KCNIP4: variants seen among roughly 807,000 people sequenced by gnomAD.
The protein encoded by KCNIP4 is Kv channel-interacting protein 4.
KCNIP4 carries 12 observed loss-of-function variants against 34.0 expected under a neutral mutation model. The observed-to-expected ratio is 0.35, with a 90% CI of 0.23 to 0.57. The LOEUF (loss-of-function observed/expected upper bound fraction) is 0.57. Ranked by LOEUF, KCNIP4 falls within the 20% of genes least tolerant of loss-of-function variation. The pLI, the probability that KCNIP4 is intolerant of heterozygous loss-of-function variation, is 0.83. For missense variants in KCNIP4, 238 were observed against 311.7 expected (o/e 0.76, Z 1.78); for synonymous variants, 124 against 102.2 (o/e 1.21, Z -1.29).
At chr4:21,058,093 TTCAA>T (rs1743578816) in intron 1 of KCNIP4, among the ~76,000 whole-genome samples, 1 of 152,124 alleles carries the variant, frequency 6.6e-6, no homozygotes, top group Non-Finnish European at 1.5e-5. Context: ...TAGGGCAGAA[TTCAA>T]TGACTCAGGT....
chr4:21,511,273 T>C (rs1560472424), intron 1 of KCNIP4, among the ~76,000 whole-genome samples: 1 of 152,108 alleles, frequency 6.6e-6, no homozygotes, highest in Non-Finnish European at 1.5e-5. Flanking sequence ...TTTTAGGATA[T>C]AGCTATCACT....
chr4:21,278,695 G>A (rs751426858), intron 1 of KCNIP4, among the ~76,000 whole-genome samples: 1 of 152,142 alleles, frequency 6.6e-6, no homozygotes, highest in Non-Finnish European at 1.5e-5. Context: ...AGGAGACCTA[G>A]AGAACAGCTG....
At chr4:21,250,761 T>C (rs2109076981) in intron 1 of KCNIP4, among the ~76,000 whole-genome samples, 1 of 152,160 alleles carries the variant, frequency 6.6e-6, no homozygotes, top group South Asian at 2.1e-4. Context: ...CCCTAGGAGA[T>C]CTGACCCAGT....
At position 20,729,960 on chromosome 4, in the gene KCNIP4, C is replaced by A; in HGVS notation, c.*122G>T. ...GGGATTGCTTTATATTAAAACAAAG[C>A]TTGTTTGCATAATATGCTTCAGTGT... On this transcript the variant is annotated 3_prime_UTR_variant, in exon 9 of 9. Coordinates refer to ENST00000382152, the MANE Select transcript of KCNIP4 (RefSeq NM_025221.6). 1 of 1,163,638 alleles carries A rather than the reference C, an allele frequency of 8.6e-7. No homozygotes were observed. Among genetic ancestry groups the A allele is most frequent in the Admixed American group, 3.0e-5 (1 of 33,304 alleles). 72.1% of individuals were successfully genotyped at this position (1,163,638 alleles called of 1,614,324 possible). A position where few individuals can be genotyped will look rare whatever the true frequency, so the allele number is the denominator to read the frequency against.
chr4:21,569,348 T>C (rs1740185274), intron 1 of KCNIP4, among the ~76,000 whole-genome samples: 1 of 149,666 alleles, frequency 6.7e-6, no homozygotes, highest in Admixed American at 6.7e-5. Context: ...AAACTTTGCT[T>C]CTTGAGGAGG....
At chr4:21,469,123 G>A (rs533738957) in intron 1 of KCNIP4, among the ~76,000 whole-genome samples, 1 of 152,050 alleles carries the variant, frequency 6.6e-6, no homozygotes, top group South Asian at 2.1e-4. Context: ...GGGATGAAGT[G>A]GTGCAATCGT....
intron 1 of KCNIP4, among the ~76,000 whole-genome samples, chr4:21,459,124 CT>C (rs1224399848): frequency 6.6e-6 from 1 of 152,044 alleles, no homozygotes; most frequent in East Asian, 1.9e-4. Context: ...CTGTTTCAAA[CT>C]TCTCAAAAGA....
chr4:20,735,446 G>A (rs889768694), intron 5 of KCNIP4, among the ~76,000 whole-genome samples: 1 of 152,004 alleles, frequency 6.6e-6, no homozygotes, highest in African/African-American at 2.4e-5. Context: ...TAAGTAAATG[G>A]AGCCCTCAGT....
intron 1 of KCNIP4, among the ~76,000 whole-genome samples, chr4:21,474,590 A>G (rs1730759299): frequency 6.6e-6 from 1 of 152,212 alleles, no homozygotes; most frequent in Non-Finnish European, 1.5e-5. Context: ...AGCATTATCT[A>G]TAGTGATCAT....
intron 1 of KCNIP4, among the ~76,000 whole-genome samples, chr4:21,104,507 T>G (rs926284893): frequency 6.6e-6 from 1 of 152,186 alleles, no homozygotes; most frequent in Non-Finnish European, 1.5e-5. Flanking sequence ...CTTTGTCAGA[T>G]GAGTAGATTG....
At chr4:21,674,124 A>G (rs1749703433) in intron 1 of KCNIP4, among the ~76,000 whole-genome samples, 1 of 152,234 alleles carries the variant, frequency 6.6e-6, no homozygotes, top group Admixed American at 6.5e-5. Context: ...ATGACTTGTC[A>G]GCAGAGTTAA....
At chr4:20,738,271 A>T (rs1364472943) in intron 5 of KCNIP4, among the ~76,000 whole-genome samples, 1 of 152,220 alleles carries the variant, frequency 6.6e-6, no homozygotes, top group East Asian at 1.9e-4. Flanking sequence ...CGATATTTTT[A>T]AAAATTCACA....
At chr4:21,149,377 G>C (rs888159498) in intron 1 of KCNIP4, among the ~76,000 whole-genome samples, 2 of 152,108 alleles carry the variant, frequency 1.3e-5, no homozygotes, top group African/African-American at 4.8e-5. Context: ...CCCATCTTGT[G>C]GCTCCTGGAA....
chr4:20,877,426 T>G lies in KCNIP4; in HGVS notation c.163+5182A>C, dbSNP rs555076701. On this transcript the variant is annotated intron_variant, in intron 2 of 8. Transcript: ENST00000382152. ...ATGCCTTTTTTTCCTTCCTGGACCC[T>G]GACTGATACTGAATCATAGAATTTC... Among the ~76,000 whole-genome samples the G allele has an allele frequency of 7.2e-5, 11 of 152,274 alleles. No individual in the cohort carries two copies. The East Asian group carries it at 2.1e-3, about 29-fold the overall frequency.
At chr4:21,131,219 T>C (rs1751044124) in intron 1 of KCNIP4, among the ~76,000 whole-genome samples, 1 of 152,192 alleles carries the variant, frequency 6.6e-6, no homozygotes, top group South Asian at 2.1e-4. Context: ...GGATACCATG[T>C]AGCAACAAGA....
rs536042164 is a variant in KCNIP4 at position 21,142,538 on chromosome 4, T to C, written c.62-259829A>G. On this transcript the variant is annotated intron_variant, in intron 1 of 8. Transcript: ENST00000382152. ...TATCTCTAATCATCAACTTGCTGCT[T>C]CAGAAATGTGATTTTCAATCAGGGT... 3.9e-5 allele frequency among the ~76,000 whole-genome samples: 6 copies of C among 152,270 alleles called. No homozygotes were observed. The South Asian group carries it at 1.2e-3, about 32-fold the overall frequency.
At chr4:21,780,619 A>G (rs186391317) in intron 1 of KCNIP4, among the ~76,000 whole-genome samples, 28 of 152,278 alleles carry the variant, frequency 1.8e-4, no homozygotes, top group African/African-American at 6.7e-4. Flanking sequence ...TCCCATTCAC[A>G]TGAGTCTCAG....
intron 1 of KCNIP4, among the ~76,000 whole-genome samples, chr4:20,944,541 T>G (rs1432773292): frequency 6.6e-6 from 1 of 152,252 alleles, no homozygotes; most frequent in African/African-American, 2.4e-5. Flanking sequence ...TTTCTCTTTG[T>G]CAGCCAGATG....
intron 1 of KCNIP4, among the ~76,000 whole-genome samples, chr4:21,131,155 T>G (rs1751039861): frequency 6.6e-6 from 1 of 152,084 alleles, no homozygotes; most frequent in Admixed American, 6.5e-5. Context: ...AAAGCAATCA[T>G]CAATGTCCAT....
Sources: allele counts gnomAD v4.1 joint callset (sites outside exome capture counted in the v4.1 genomes callset), GRCh38; gene constraint gnomAD v4.1.1; transcripts MANE v1.5; gene names NCBI Gene and HGNC (gene_info 2026-07-23, HGNC 2026-07-21).